The following DPP8 variants were observed in gnomAD, a reference collection of about 807,000 sequenced individuals.
The protein encoded by DPP8 is dipeptidyl peptidase 8.
DPP8 carries 31 observed loss-of-function variants against 107.5 expected under a neutral mutation model. That is an observed-to-expected ratio of 0.29 (90% CI 0.22 to 0.39). DPP8 has a LOEUF of 0.39. DPP8 is among the 10% of genes least tolerant of loss of function. DPP8 has a pLI of 1.00. For missense variants in DPP8, 842 were observed against 1,076.1 expected, an observed-to-expected ratio of 0.78 and a Z score of 3.04; for synonymous variants, 381 against 356.6, an observed-to-expected ratio of 1.07 and a Z score of -0.77.
intron 14 of DPP8, among the ~76,000 whole-genome samples, chr15:65,465,174 T>G (rs1411870769): frequency 6.6e-6 from 1 of 150,764 alleles, no homozygotes; most frequent in Non-Finnish European, 1.5e-5. Context: ...TTTCTTTTTT[T>G]TTTTTTTTTT....
intron 2 of DPP8, 40 bp downstream of exon 2, chr15:65,512,253 TAA>T: frequency 6.4e-7 from 1 of 1,563,428 alleles, no homozygotes; most frequent in Non-Finnish European, 8.6e-7. Context: ...AAGTTTGACT[TAA>T]GAGATCATTT....
At chr15:65,449,036 T>C (rs1485135738) in intron 19 of DPP8, among the ~76,000 whole-genome samples, 3 of 142,238 alleles carry the variant, frequency 2.1e-5, no homozygotes, top group Non-Finnish European at 4.6e-5. Flanking sequence ...GGTGAAACCC[T>C]GTCTCTACTA....
chr15:65,515,857 AAG>A, intron 1 of DPP8: 1 of 620,914 alleles, frequency 1.6e-6, no homozygotes, highest in Non-Finnish European at 2.7e-6. Context: ...TGTGGCCAAA[AAG>A]AGAAGCCCCA....
intron 15 of DPP8, among the ~76,000 whole-genome samples, chr15:65,462,827 C>G (rs1426332934): frequency 6.6e-6 from 1 of 152,124 alleles, no homozygotes; most frequent in Non-Finnish European, 1.5e-5. Context: ...GATCTGCCCA[C>G]CTCGGCCTCC....
intron 2 of DPP8, among the ~76,000 whole-genome samples, chr15:65,508,566 T>C (rs763176422): frequency 2.6e-5 from 4 of 152,008 alleles, no homozygotes; most frequent in Non-Finnish European, 5.9e-5. Flanking sequence ...TAAAAAGGTA[T>C]TACTGGCCGG....
chr15:65,512,031 C>A, intron 2 of DPP8: 1 of 596,854 alleles, frequency 1.7e-6, no homozygotes, highest in Non-Finnish European at 3.1e-6. Flanking sequence ...AAAGGCATTT[C>A]AAGCTAGCTT....
rs2070196085 is a variant in DPP8 at position 65,507,476 on chromosome 15, A to C, written c.260-121T>G. On this transcript the variant is annotated intron_variant, in intron 2 of 19. Transcript: ENST00000300141. ...TATTTTGCACTCTATGGGATATATA[A>C]TGAATGTTAACAAGTAGAATGTGCT... 4 of 562,148 alleles carry C rather than the reference A, an allele frequency of 7.1e-6. No individual in the cohort carries two copies. The Admixed American group carries it at 1.4e-4, about 19-fold the overall frequency. The allele number at this position is 562,148 out of a possible 1,614,324, so 34.8% of individuals were successfully genotyped here. A position where few individuals can be genotyped will look rare whatever the true frequency, so the allele number is the denominator to read the frequency against.
Position 65,445,549 on chromosome 15 carries a change from C to CA in DPP8, c.*1334dup, listed in dbSNP as rs566772552. 6.9e-3 allele frequency: 956 copies of CA among 138,658 alleles called. 6 individuals are homozygous for CA. Among genetic ancestry groups the CA allele is most frequent in the East Asian group, 0.027 (133 of 4,846 alleles). 8.6% of individuals were successfully genotyped at this position (138,658 alleles called of 1,614,324 possible). On this transcript the variant is annotated 3_prime_UTR_variant, in exon 20 of 20. Coordinates refer to ENST00000300141, the MANE Select transcript of DPP8 (RefSeq NM_130434.5). The stretch of plus-strand genomic sequence containing the variant: ...AAAACTGTTTACAGGCTTTAAACAC[C>CA]AAAAAAAAAAAGAGAGCCATGGCTT...
intron 3 of DPP8, chr15:65,502,693 T>G (rs1358662564): frequency 6.6e-6 from 1 of 151,268 alleles, no homozygotes; most frequent in Non-Finnish European, 1.5e-5. Flanking sequence ...AAAAAAATAA[T>G]AAGATAAAAT....
At chr15:65,452,145 G>A (rs759527962) in intron 17 of DPP8, 43 bp from the exon 18 acceptor site, 1 of 1,576,718 alleles carries the variant, frequency 6.3e-7, no homozygotes, top group Non-Finnish European at 8.6e-7. Flanking sequence ...TCTGGAAAAA[G>A]AGAGTGGCTA....
rs114846760 is a variant in DPP8, at chr15:65,510,299, G to A, written c.259+1996C>T. 2.9e-3 allele frequency among the ~76,000 whole-genome samples: 437 copies of A among 152,166 alleles called. 2 individuals are homozygous for A. Among genetic ancestry groups the A allele is most frequent in the African/African-American group, 0.01 (420 of 41,516 alleles). ...CCACTGTACTCCAGCCTAGAAGACT[G>A]AGACCCCGTCTCAAAAAATAATAAT... On this transcript the variant is annotated intron_variant, in intron 2 of 19. Transcript: ENST00000300141.
rs576701356 is a variant in DPP8 at position 65,470,328 on chromosome 15, G to A, written c.1537-3105C>T. On this transcript the variant is annotated intron_variant, in intron 12 of 19. Coordinates refer to ENST00000300141, the MANE Select transcript of DPP8 (RefSeq NM_130434.5). ...AAATCAAGAATAGAGGGAAAGGGCTGGGCATGGTGGCTCACGCCTGTAATC... is the reference window on the plus strand; with the variant it reads ...AAATCAAGAATAGAGGGAAAGGGCTAGGCATGGTGGCTCACGCCTGTAATC... Among the ~76,000 whole-genome samples, 10 of 151,046 alleles carry A rather than the reference G, an allele frequency of 6.6e-5. No individual in the cohort carries two copies. In the East Asian group the frequency reaches 1.8e-3, roughly 27 times the overall value.
At chr15:65,462,288 T>C (rs1022294343) in intron 15 of DPP8, among the ~76,000 whole-genome samples, 1 of 152,102 alleles carries the variant, frequency 6.6e-6, no homozygotes, top group African/African-American at 2.4e-5. Flanking sequence ...ATGACTTGTG[T>C]AGATGAAAAT....
At chr15:65,478,352 G>A (rs1364754409) in intron 11 of DPP8, among the ~76,000 whole-genome samples, 1 of 152,120 alleles carries the variant, frequency 6.6e-6, no homozygotes, top group Non-Finnish European at 1.5e-5. Flanking sequence ...TCCGCCTCCT[G>A]GGTTCAAGTG....
rs567544809 is a variant in DPP8 at position 65,489,145 on chromosome 15, G to C, written c.826+1044C>G. Among the ~76,000 whole-genome samples the C allele has an allele frequency of 2.0e-5, 3 of 152,080 alleles. No individual in the cohort carries two copies. In the East Asian group the frequency reaches 5.8e-4, roughly 30 times the overall value. On this transcript the variant is annotated intron_variant, in intron 6 of 19. Coordinates refer to ENST00000300141, the MANE Select transcript of DPP8 (RefSeq NM_130434.5). ...CCAGCTAATTTTTTGTATTTTAGTA[G>C]AGATGGGGTTTCACCATGTTGGCCA...
At position 65,490,216 on chromosome 15, in the gene DPP8, A is replaced by G; in HGVS notation, c.799T>C (p.Tyr267His). Reference protein sequence around the residue: ...LQEEFDRYSGYWWCPKAETTP... With the variant: ...LQEEFDRYSGHWWCPKAETTP... ...GTTTCAGCTTTTGGACACCACCAAT[A>G]GCCAGAATATCTATCAAATTCTTCT... The change falls in exon 6 of 20, where the codon TAT (tyrosine) becomes CAT (histidine). Residue 267 changes from tyrosine (Y) to histidine (H), a missense_variant. Physicochemically the swap from Tyr to His is moderately conservative, Grantham distance 83. Coordinates refer to ENST00000300141, the MANE Select transcript of DPP8 (RefSeq NM_130434.5). 17 of 1,609,894 alleles carry G rather than the reference A, an allele frequency of 1.1e-5. No homozygotes were observed. The highest frequency in any genetic ancestry group is 1.4e-5 in the Non-Finnish European group (17 of 1,176,126).
chr15:65,507,246 A>C lies in DPP8; in HGVS notation c.369T>G (p.Phe123Leu). ...GAATAACAACATTTAATCCTACCTGAAAAAGATCCAAAAGAGGCTTCCAAG... is the reference window on the plus strand; with the variant it reads ...GAATAACAACATTTAATCCTACCTGCAAAAGATCCAAAAGAGGCTTCCAAG... ...MLSWKPLLDL[F>L]QATLDYGMYS... The change falls in exon 3 of 20, where the codon TTT (phenylalanine) becomes TTG (leucine). Residue 123 changes from phenylalanine to leucine, a missense_variant. This residue lies in a region of DPP8 where 663 missense variants were observed against 758.0 expected (regional missense o/e 0.87). Coordinates refer to ENST00000300141, the MANE Select transcript of DPP8 (RefSeq NM_130434.5). 6.3e-7 allele frequency: 1 copy of C among 1,579,126 alleles called. No homozygotes were observed. The highest frequency in any genetic ancestry group is 8.7e-7 in the Non-Finnish European group (1 of 1,153,376).
chr15:65,496,587 C>T (rs778007240), intron 5 of DPP8, among the ~76,000 whole-genome samples: 23 of 152,154 alleles, frequency 1.5e-4, no homozygotes, highest in Non-Finnish European at 1.9e-4. Flanking sequence ...CCACAATATA[C>T]ATAGTTCTAC....
chr15:65,507,749 A>C (rs1049404601), intron 2 of DPP8, among the ~76,000 whole-genome samples: 1 of 152,140 alleles, frequency 6.6e-6, no homozygotes, highest in African/African-American at 2.4e-5. Flanking sequence ...CTCAAAATAA[A>C]TATAAAAGTA....
Sources: allele counts gnomAD v4.1 joint callset (sites outside exome capture counted in the v4.1 genomes callset), GRCh38; gene constraint gnomAD v4.1.1; regional missense constraint gnomAD v4.1.1; transcripts MANE v1.5; gene names NCBI Gene and HGNC (gene_info 2026-07-23, HGNC 2026-07-21).